NELL1: variants seen among roughly 807,000 people sequenced by gnomAD.
NELL1 encodes neural EGFL like 1.
NELL1 carries 76 observed loss-of-function variants against 107.4 expected under a neutral mutation model. The observed-to-expected ratio is 0.71, with a 90% CI of 0.59 to 0.86. NELL1 has a LOEUF of 0.86. Among genes scored for constraint, NELL1 ranks in the 40% least tolerant of loss-of-function variants. The pLI is 0.00. For missense variants in NELL1, 1,024 were observed against 1,005.5 expected (o/e 1.02, Z -0.25); for synonymous variants, 353 against 341.2 (o/e 1.03, Z -0.38).
At chr11:21,288,041 A>AAAAGGGAAGGAAGG (rs1554994470) in intron 14 of NELL1, among the ~76,000 whole-genome samples, 4 of 20,368 alleles carry the variant, frequency 2.0e-4, no homozygotes, top group South Asian at 2.1e-3. Context: ...AAAGAAAGAA[A>AAAAGGGAAGGAAGG]AAATAAGGGA....
At chr11:21,358,183 A>C (rs1252169601) in intron 14 of NELL1, among the ~76,000 whole-genome samples, 1 of 152,198 alleles carries the variant, frequency 6.6e-6, no homozygotes, top group Non-Finnish European at 1.5e-5. Context: ...TCTGTGAAGA[A>C]TGATGATGGT....
intron 2 of NELL1, among the ~76,000 whole-genome samples, chr11:20,766,460 A>G (rs1856530540): frequency 6.6e-6 from 1 of 152,204 alleles, no homozygotes; most frequent in African/African-American, 2.4e-5. Context: ...TTTTAGCCAC[A>G]TATTTTATGT....
intron 15 of NELL1, among the ~76,000 whole-genome samples, chr11:21,398,307 T>C (rs1459541342): frequency 1.3e-5 from 2 of 151,674 alleles, no homozygotes; most frequent in Non-Finnish European, 3.0e-5. Context: ...AGGCTCTCTG[T>C]ATCTTTAAAT....
intron 14 of NELL1, among the ~76,000 whole-genome samples, chr11:21,256,727 G>A (rs1440528910): frequency 6.6e-6 from 1 of 152,020 alleles, no homozygotes; most frequent in Non-Finnish European, 1.5e-5. Context: ...TGGAGGCAAG[G>A]ACAATGACAA....
At chr11:21,226,471 A>G (rs1157435660) in intron 13 of NELL1, among the ~76,000 whole-genome samples, 4 of 152,156 alleles carry the variant, frequency 2.6e-5, no homozygotes, top group Admixed American at 2.0e-4. Flanking sequence ...GGAAAGTTAT[A>G]TAAAGTACTG....
intron 16 of NELL1, among the ~76,000 whole-genome samples, chr11:21,543,772 C>T (rs949270582): frequency 9.2e-5 from 14 of 151,922 alleles, no homozygotes; most frequent in African/African-American, 2.9e-4. Flanking sequence ...TCCTCCGTTT[C>T]GATGATAATC....
intron 2 of NELL1, among the ~76,000 whole-genome samples, chr11:20,717,936 A>G (rs1371495179): frequency 6.6e-6 from 1 of 152,144 alleles, no homozygotes; most frequent in East Asian, 1.9e-4. Flanking sequence ...ACTTGTAGTA[A>G]ACTTATTGTG....
chr11:21,483,518 G>A (rs1437681451), intron 15 of NELL1, among the ~76,000 whole-genome samples: 1 of 152,024 alleles, frequency 6.6e-6, no homozygotes, highest in Non-Finnish European at 1.5e-5. Flanking sequence ...CAAGAATGAT[G>A]TTATCTGCAG....
intron 15 of NELL1, among the ~76,000 whole-genome samples, chr11:21,444,061 C>T (rs1489035473): frequency 2.0e-5 from 3 of 152,034 alleles, no homozygotes; most frequent in African/African-American, 7.2e-5. Context: ...TGTATACAAA[C>T]TCCTCTCAAT....
chr11:21,337,837 TTTTCTTTCTTTCTTTC>T (rs1555006223), intron 14 of NELL1, among the ~76,000 whole-genome samples: 2 of 86,616 alleles, frequency 2.3e-5, no homozygotes, highest in Non-Finnish European at 4.6e-5. Flanking sequence ...TCTTTCTTTC[TTTTCTTTCTTTCTTTC>T]TTTCTTTCTT....
At chr11:20,730,955 T>G (rs1435567124) in intron 2 of NELL1, among the ~76,000 whole-genome samples, 1 of 152,144 alleles carries the variant, frequency 6.6e-6, no homozygotes, top group African/African-American at 2.4e-5. Context: ...TGACTGAGAT[T>G]AGGGGAAGGA....
chr11:20,961,992 T>C (rs1307239721), intron 12 of NELL1, among the ~76,000 whole-genome samples: 1 of 152,046 alleles, frequency 6.6e-6, no homozygotes, highest in Admixed American at 6.5e-5. Flanking sequence ...TGGAAGACTT[T>C]CTTTGTTACT....
intron 16 of NELL1, among the ~76,000 whole-genome samples, chr11:21,545,124 G>A (rs1299331635): frequency 6.6e-6 from 1 of 152,020 alleles, no homozygotes; most frequent in Non-Finnish European, 1.5e-5. Context: ...TAAGTTAAAT[G>A]TTCCCAGTCA....
intron 14 of NELL1, among the ~76,000 whole-genome samples, chr11:21,295,858 A>G (rs938348100): frequency 2.6e-5 from 4 of 152,082 alleles, no homozygotes; most frequent in East Asian, 1.9e-4. Context: ...GTGGAAAAAA[A>G]TGACTTAACT....
At chr11:20,722,408 G>C (rs529829379) in intron 2 of NELL1, among the ~76,000 whole-genome samples, 6 of 152,240 alleles carry the variant, frequency 3.9e-5, no homozygotes. Flanking sequence ...TTACACAGTA[G>C]TTGTATGGAA....
intron 14 of NELL1, among the ~76,000 whole-genome samples, chr11:21,366,257 G>A (rs1359572652): frequency 6.6e-6 from 1 of 152,072 alleles, no homozygotes; most frequent in East Asian, 1.9e-4. Flanking sequence ...GTTCCAGAGA[G>A]GAAAGTGTCA....
intron 3 of NELL1, 63 bp from the exon 4 acceptor site, chr11:20,847,520 G>C (rs1277255209): frequency 6.6e-7 from 1 of 1,521,330 alleles, no homozygotes; most frequent in East Asian, 2.3e-5. Context: ...GGGGTTGAGG[G>C]ATTGATGATG....
rs532807912 is a variant in NELL1 at position 21,131,606 on chromosome 11, GTACT to G, written c.1426+17898_1426+17901del. Among the ~76,000 whole-genome samples the G allele has an allele frequency of 2.1e-3, 325 of 152,264 alleles. 2 individuals carry two copies. Among genetic ancestry groups the G allele is most frequent in the African/African-American group, 7.3e-3 (303 of 41,566 alleles). The stretch of plus-strand genomic sequence containing the variant: ...TCCACAGTGCTTGCTACAATGATAT[GTACT>G]TACTTGTTCCTTTTTTGTTTTTTTG... On this transcript the variant is annotated intron_variant, in intron 13 of 19. Transcript: ENST00000357134.
chr11:21,266,095 C>T (rs1367526244), intron 14 of NELL1, among the ~76,000 whole-genome samples: 1 of 151,964 alleles, frequency 6.6e-6, no homozygotes, highest in African/African-American at 2.4e-5. Context: ...CCTCCTAGTC[C>T]AGATACGCAG....
Sources: allele counts gnomAD v4.1 joint callset (sites outside exome capture counted in the v4.1 genomes callset), GRCh38; gene constraint gnomAD v4.1.1; transcripts MANE v1.5; gene names NCBI Gene and HGNC (gene_info 2026-07-23, HGNC 2026-07-21).